The following COL4A3 variants were observed in gnomAD, a reference collection of about 807,000 sequenced individuals.
The protein encoded by COL4A3 is collagen type IV alpha 3 chain, also known as collagen alpha-3(IV) chain.
COL4A3 carries 135 observed loss-of-function variants against 217.4 expected under a neutral mutation model. The ratio of observed to expected loss-of-function variants is 0.62; its 90% CI spans 0.54 to 0.72. The LOEUF is 0.72. COL4A3 is among the 30% of genes least tolerant of loss of function. The probability of loss-of-function intolerance (pLI) is 0.00; values close to 1 mark genes in which losing one functional copy is unlikely to be tolerated. For synonymous variants in COL4A3, 690 were observed against 736.3 expected, an observed-to-expected ratio of 0.94 and a Z score of 1.02; for missense variants, 1,868 against 2,119.9, an observed-to-expected ratio of 0.88 and a Z score of 2.33.
intron 50 of COL4A3, among the ~76,000 whole-genome samples, 163 bp downstream of exon 50, chr2:227,309,481 A>G (rs1201753685): frequency 1.3e-5 from 2 of 150,618 alleles, no homozygotes; most frequent in African/African-American, 4.9e-5. Context: ...TTTTTTTTTT[A>G]CTTTTGGTAA....
At chr2:227,185,579 T>A (rs1405643935) in intron 1 of COL4A3, among the ~76,000 whole-genome samples, 2 of 152,056 alleles carry the variant, frequency 1.3e-5, no homozygotes, top group Admixed American at 6.5e-5. Context: ...ATCTATTTAA[T>A]TTGTTATATA....
intron 1 of COL4A3, among the ~76,000 whole-genome samples, chr2:227,168,498 C>A (rs2065357039): frequency 6.6e-6 from 1 of 152,104 alleles, no homozygotes; most frequent in Non-Finnish European, 1.5e-5. Flanking sequence ...CTTTTTGTTG[C>A]TAATTAATTA....
chr2:227,277,116 G>A (rs1283876063), intron 27 of COL4A3, among the ~76,000 whole-genome samples: 2 of 152,048 alleles, frequency 1.3e-5, no homozygotes, highest in African/African-American at 2.4e-5. Context: ...TCAGGAGTTC[G>A]AGACCAGTCT....
chr2:227,297,131 G>A (rs1399074506), intron 41 of COL4A3, among the ~76,000 whole-genome samples: 1 of 152,136 alleles, frequency 6.6e-6, no homozygotes, highest in Non-Finnish European at 1.5e-5. Flanking sequence ...TTAACTAAAG[G>A]ACAGAATAAA....
At chr2:227,308,182 T>A (rs2073591772) in intron 48 of COL4A3, among the ~76,000 whole-genome samples, 1 of 152,184 alleles carries the variant, frequency 6.6e-6, no homozygotes, top group Non-Finnish European at 1.5e-5. Context: ...CTAAACCACC[T>A]GTCTGCATTT....
In COL4A3 at chr2:227,297,692, G is replaced by A; in HGVS notation, c.3584G>A (p.Gly1195Glu). 1 of 1,608,640 alleles carries A rather than the reference G, an allele frequency of 6.2e-7. No homozygotes were observed. The highest frequency in any genetic ancestry group is 8.5e-7 in the Non-Finnish European group (1 of 1,178,186). Residue 1195 changes from glycine (G) to glutamate (E), a missense_variant, in exon 42 of 52, where the codon GGA (glycine) becomes GAA (glutamate). By Grantham distance (98) the Gly-to-Glu change is moderately conservative (BLOSUM62 -2). Transcript: ENST00000396578. Reference sequence around the variant, plus strand: ...TTTGCAGGAGCCAAAGGAGACAGGGGAGCCCCAGGTTTTCCTGGCCTCCCG... The same window carrying A: ...TTTGCAGGAGCCAAAGGAGACAGGGAAGCCCCAGGTTTTCCTGGCCTCCCG... The part of the protein sequence containing the change: ...PGAQGAKGDR[G>E]APGFPGLPGR...
chr2:227,304,478 T>C (rs2073422332), intron 46 of COL4A3: 1 of 343,412 alleles, frequency 2.9e-6, no homozygotes, highest in Non-Finnish European at 5.5e-6. Flanking sequence ...TGTCTGAATA[T>C]ACCTGAGTTC....
At chr2:227,279,054 C>T (rs910520218) in intron 28 of COL4A3, among the ~76,000 whole-genome samples, 7 of 151,044 alleles carry the variant, frequency 4.6e-5, no homozygotes, top group African/African-American at 1.7e-4. Context: ...GAAAGGCTAC[C>T]TGGGGTGCTG....
At chr2:227,193,059 T>C (rs1328991268) in intron 1 of COL4A3, among the ~76,000 whole-genome samples, 1 of 152,202 alleles carries the variant, frequency 6.6e-6, no homozygotes, top group Non-Finnish European at 1.5e-5. Flanking sequence ...AGACCCATGC[T>C]TTGAGATGCA....
At chr2:227,226,837 A>G (rs1052240259) in intron 1 of COL4A3, among the ~76,000 whole-genome samples, 3 of 152,230 alleles carry the variant, frequency 2.0e-5, no homozygotes, top group Non-Finnish European at 4.4e-5. Flanking sequence ...AATTTGTACC[A>G]GGAATCACCA....
chr2:227,237,798 C>T (rs538065822), intron 1 of COL4A3, 170 bp from the exon 2 acceptor site: 92 of 612,980 alleles, frequency 1.5e-4, no homozygotes, highest in South Asian at 1.4e-3. Context: ...TACTTTATTG[C>T]TATTCATATA....
At chr2:227,296,058 T>C (rs1157036178) in intron 41 of COL4A3, among the ~76,000 whole-genome samples, 1 of 152,216 alleles carries the variant, frequency 6.6e-6, no homozygotes, top group African/African-American at 2.4e-5. Context: ...CTCTAGTTAT[T>C]GATGTTCACG....
chr2:227,289,181 C>T lies in COL4A3; in HGVS notation c.2913C>T (p.Asn971=), dbSNP rs1178307610. 6.2e-7 allele frequency: 1 copy of T among 1,613,804 alleles called. No homozygotes were observed. Among genetic ancestry groups the T allele is most frequent in the Admixed American group, 1.7e-5 (1 of 59,964 alleles). Reference sequence around the variant, plus strand: ...CAGGAAATCCAGGTGAGAAAGGAAACAGAGGCGTTCCAGGGATGCCAGGTT... The same window carrying T: ...CAGGAAATCCAGGTGAGAAAGGAAATAGAGGCGTTCCAGGGATGCCAGGTT... ...GFAGNPGEKG[N]RGVPGMPGLK... is the part of the protein sequence containing the mutation. Residue 971 remains asparagine (N), a synonymous_variant, in exon 35 of 52, where the codon AAC becomes AAT. Coordinates refer to ENST00000396578, the MANE Select transcript of COL4A3 (RefSeq NM_000091.5).
chr2:227,168,700 G>A (rs2065363825), intron 1 of COL4A3, among the ~76,000 whole-genome samples: 1 of 151,010 alleles, frequency 6.6e-6, no homozygotes, highest in South Asian at 2.1e-4. Flanking sequence ...TTCCTTTCCT[G>A]GGATTATAGG....
At position 227,282,087 on chromosome 2, in the gene COL4A3, C is replaced by T. The variant is rs2072001974; in HGVS notation, c.2489-278C>T. Among the ~76,000 whole-genome samples, 1 of 152,084 alleles carries T rather than the reference C, an allele frequency of 6.6e-6. No individual in the cohort carries two copies. Among genetic ancestry groups the T allele is most frequent in the Non-Finnish European group, 1.5e-5 (1 of 68,020 alleles). On this transcript the variant is annotated intron_variant, in intron 31 of 51. Transcript: ENST00000396578. The surrounding 1 kb of genome is among the most constrained non-coding windows in gnomAD (Gnocchi z 4.4). Reference sequence around the variant, plus strand: ...AGGAGTTTGAGACCAGCCTGGCCAACATGGCAAAACCCCATCTCTATTAAA... The same window carrying T: ...AGGAGTTTGAGACCAGCCTGGCCAATATGGCAAAACCCCATCTCTATTAAA...
chr2:227,182,226 A>G (rs1159613337), intron 1 of COL4A3, among the ~76,000 whole-genome samples: 1 of 152,204 alleles, frequency 6.6e-6, no homozygotes, highest in Non-Finnish European at 1.5e-5. Context: ...GGAGTCAGCC[A>G]AATGTTTGAT....
chr2:227,296,419 T>TA, intron 41 of COL4A3: 1 of 775,980 alleles, frequency 1.3e-6, no homozygotes, highest in South Asian at 5.9e-5. Flanking sequence ...ACCTTAGGTT[T>TA]AAAAGCCTTA....
At chr2:227,290,696 C>G (rs1490083302) in intron 36 of COL4A3, 51 bp from the exon 37 acceptor site, 1 of 1,591,034 alleles carries the variant, frequency 6.3e-7, no homozygotes, top group Non-Finnish European at 8.6e-7. Context: ...TAGAAAACTT[C>G]AAGATCCTCA....
chr2:227,269,513 C>T (rs1167861328), intron 23 of COL4A3, among the ~76,000 whole-genome samples: 1 of 152,108 alleles, frequency 6.6e-6, no homozygotes, highest in East Asian at 1.9e-4. Context: ...GTCCTATGCA[C>T]TTATGGATAT....
Sources: gnomAD v4.1 joint callset for allele counts (sites outside exome capture counted in the v4.1 genomes callset) on GRCh38, gnomAD v4.1.1 for gene constraint, Gnocchi (gnomAD v3.1) non-coding constraint, MANE v1.5 for transcripts, NCBI Gene and HGNC (gene_info 2026-07-23, HGNC 2026-07-21) for gene names.